Variants in DCUN1D1 observed in about 807,000 individuals in gnomAD.
DCUN1D1 encodes the protein defective in cullin neddylation 1 domain containing 1.
Under a neutral mutation model 39.0 loss-of-function variants are expected in DCUN1D1, and 3 were observed. The observed-to-expected ratio is 0.08, with a 90% confidence interval of 0.04 to 0.20. The LOEUF (loss-of-function observed/expected upper bound fraction) is 0.20, where lower values mean the gene tolerates loss of function less well. Ranked by LOEUF, DCUN1D1 falls within the 10% of genes least tolerant of loss-of-function variation. The probability of loss-of-function intolerance (pLI) is 1.00; values close to 1 mark genes in which losing one functional copy is unlikely to be tolerated. For synonymous variants in DCUN1D1, 82 were observed against 96.3 expected, an observed-to-expected ratio of 0.85 and a Z score of 0.87; for missense variants, 158 against 302.4, an observed-to-expected ratio of 0.52 and a Z score of 3.54.
chr3:182,958,167 T>C (rs1727191202), intron 4 of DCUN1D1, among the ~76,000 whole-genome samples: 1 of 152,004 alleles, frequency 6.6e-6, no homozygotes, highest in South Asian at 2.1e-4. Context: ...TCCTTTTTAA[T>C]TAAACTCTGC....
intron 1 of DCUN1D1, among the ~76,000 whole-genome samples, chr3:182,975,848 T>C (rs909121417): frequency 6.3e-5 from 6 of 95,842 alleles, no homozygotes; most frequent in South Asian, 3.1e-4. Flanking sequence ...TTCCCAGATA[T>C]GCTAAAAAAA....
chr3:182,957,256 G>C (rs1038170674), intron 4 of DCUN1D1, among the ~76,000 whole-genome samples: 1 of 152,240 alleles, frequency 6.6e-6, no homozygotes, highest in African/African-American at 2.4e-5. Flanking sequence ...CATCAGGTAA[G>C]GATGCTACTT....
At chr3:182,958,809 T>C (rs1190473062) in intron 4 of DCUN1D1, among the ~76,000 whole-genome samples, 1 of 152,150 alleles carries the variant, frequency 6.6e-6, no homozygotes, top group Non-Finnish European at 1.5e-5. Context: ...TATCCAATAG[T>C]TATAAAAATT....
chr3:182,973,910 G>A (rs906124127), intron 1 of DCUN1D1, among the ~76,000 whole-genome samples: 2 of 151,946 alleles, frequency 1.3e-5, no homozygotes, highest in African/African-American at 4.8e-5. Flanking sequence ...GGCAACTAAT[G>A]AAAATTTAAA....
At chr3:182,956,304 T>C in intron 4 of DCUN1D1, 1 of 269,242 alleles carries the variant, frequency 3.7e-6, no homozygotes, top group Non-Finnish European at 7.6e-6. Context: ...TTCTGGGAGC[T>C]CATCACCAAA....
intron 1 of DCUN1D1, 33 bp downstream of exon 1, chr3:182,980,454 C>T (rs1728485485): frequency 1.8e-6 from 2 of 1,126,544 alleles, no homozygotes; most frequent in Non-Finnish European, 1.1e-6. Context: ...GGCCCCCAGC[C>T]GGCAGGGCGG....
Position 182,958,251 on chromosome 3 carries a change from G to A in DCUN1D1, c.520+2975C>T, listed in dbSNP as rs185998937. Among the ~76,000 whole-genome samples, 21 of 151,262 alleles carry A rather than the reference G, an allele frequency of 1.4e-4. No individual in the cohort carries two copies. In the East Asian group the frequency reaches 3.9e-3, roughly 28 times the overall value. On this transcript the variant is annotated intron_variant, in intron 4 of 6. Transcript: ENST00000292782. ...AAACCAAAAAAAAAAACTATGATTT[G>A]TCTCTTACTACATTTTTCTTTTTTT...
chr3:182,980,570 G>A, upstream of DCUN1D1: 1 of 1,165,678 alleles, frequency 8.6e-7, no homozygotes, highest in Non-Finnish European at 1.1e-6. Flanking sequence ...CTCCTCTCAC[G>A]GGCTTGCCCG....
chr3:182,948,254 A>C (rs1213104645), intron 4 of DCUN1D1, among the ~76,000 whole-genome samples: 1 of 152,246 alleles, frequency 6.6e-6, no homozygotes, highest in African/African-American at 2.4e-5. Flanking sequence ...CCTGACCACA[A>C]AGAGATCATT....
At chr3:182,973,518 T>A (rs879588703) in intron 1 of DCUN1D1, among the ~76,000 whole-genome samples, 1 of 152,104 alleles carries the variant, frequency 6.6e-6, no homozygotes, top group African/African-American at 2.4e-5. Context: ...CTTTCAAAAA[T>A]TCAGAAGTGG....
intron 4 of DCUN1D1, among the ~76,000 whole-genome samples, chr3:182,950,496 A>G (rs781391919): frequency 2.0e-5 from 3 of 151,752 alleles, no homozygotes; most frequent in Non-Finnish European, 4.4e-5. Context: ...TTTTTTGACC[A>G]ATCAAAATAG....
rs888019266 is a variant in DCUN1D1, at chr3:182,943,893, T to C, written c.*1201A>G. ...AACAGTAAAGAGACTAGAAGCCAGA[T>C]TGGTATTTTGCATCGTGTATGCTTG... On this transcript the variant is annotated 3_prime_UTR_variant, in exon 7 of 7. Transcript: ENST00000292782. 1 of 152,620 alleles carries C rather than the reference T, an allele frequency of 6.6e-6. No homozygotes were observed. The highest frequency in any genetic ancestry group is 1.5e-5 in the Non-Finnish European group (1 of 68,020). 9.5% of individuals were successfully genotyped at this position (152,620 alleles called of 1,614,324 possible).
intron 1 of DCUN1D1, among the ~76,000 whole-genome samples, chr3:182,971,519 G>A (rs1727934596): frequency 6.6e-6 from 1 of 151,186 alleles, no homozygotes; most frequent in African/African-American, 2.4e-5. Flanking sequence ...GCTGCAGTGA[G>A]CTATGATGGC....
chr3:182,965,497 C>T lies in DCUN1D1; in HGVS notation c.220+40G>A, dbSNP rs748566183. 11 of 1,403,444 alleles carry T rather than the reference C, an allele frequency of 7.8e-6. No individual in the cohort carries two copies. The Middle Eastern group carries it at 7.3e-4, about 93-fold the overall frequency. The allele number at this position is 1,403,444 out of a possible 1,614,324, so 86.9% of individuals were successfully genotyped here. ...TCATAAGCCCATCTCTTTGGAAAAT[C>T]TGGTCCAAAATTTACTTAAAGTCAC... On this transcript the variant is annotated intron_variant, in intron 2 of 6. Coordinates refer to ENST00000292782, the MANE Select transcript of DCUN1D1 (RefSeq NM_020640.4).
upstream of DCUN1D1, among the ~76,000 whole-genome samples, chr3:182,981,126 G>A (rs1162494615): frequency 6.6e-6 from 1 of 151,814 alleles, no homozygotes; most frequent in Non-Finnish European, 1.5e-5. Context: ...TCCCCCCCCT[G>A]CGGTGGCTGT....
intron 1 of DCUN1D1, among the ~76,000 whole-genome samples, chr3:182,973,978 C>T (rs1458740151): frequency 2.0e-5 from 3 of 152,058 alleles, no homozygotes; most frequent in African/African-American, 7.2e-5. Context: ...AAAGGCCAGC[C>T]GCGCCCGGCC....
At chr3:182,948,598 T>C (rs1726540027) in intron 4 of DCUN1D1, among the ~76,000 whole-genome samples, 2 of 152,260 alleles carry the variant, frequency 1.3e-5, no homozygotes, top group South Asian at 4.1e-4. Flanking sequence ...TTAGTTTTTA[T>C]GAGTGAATTT....
intron 4 of DCUN1D1, among the ~76,000 whole-genome samples, chr3:182,949,614 A>G (rs1726603104): frequency 1.3e-5 from 2 of 151,456 alleles, no homozygotes; most frequent in Admixed American, 6.6e-5. Flanking sequence ...CAGCTACTCC[A>G]GGAAGCTGAA....
At chr3:182,979,503 G>C (rs1361090173) in intron 1 of DCUN1D1, among the ~76,000 whole-genome samples, 3 of 152,012 alleles carry the variant, frequency 2.0e-5, no homozygotes, top group Non-Finnish European at 4.4e-5. Flanking sequence ...GCCAAACAGC[G>C]CTTCTGAAAC....
Sources: allele counts gnomAD v4.1 joint callset (sites outside exome capture counted in the v4.1 genomes callset), GRCh38; gene constraint gnomAD v4.1.1; transcripts MANE v1.5; gene names NCBI Gene and HGNC (gene_info 2026-07-23, HGNC 2026-07-21).